Variants in SYNE1 observed in about 807,000 individuals in gnomAD.
SYNE1 encodes nesprin-1.
A neutral mutation model predicts 1,111.0 loss-of-function variants in SYNE1; 616 were observed. That is an observed-to-expected ratio of 0.55 (90% CI 0.52 to 0.59). The LOEUF is 0.59. SYNE1 is among the 20% of genes least tolerant of loss of function. SYNE1 has a pLI of 0.00. For synonymous variants in SYNE1, 3,855 were observed against 3,825.8 expected, an observed-to-expected ratio of 1.01 and a Z score of -0.28; for missense variants, 10,006 against 10,417.0, an observed-to-expected ratio of 0.96 and a Z score of 1.72.
chr6:152,365,748 C>T (rs1156304661), intron 62 of SYNE1, among the ~76,000 whole-genome samples: 2 of 152,100 alleles, frequency 1.3e-5, no homozygotes, highest in Non-Finnish European at 2.9e-5. Flanking sequence ...GTGTAAGCCA[C>T]TGCGCCCGGC....
chr6:152,340,458 T>G (rs1256286162), intron 74 of SYNE1, among the ~76,000 whole-genome samples: 1 of 152,200 alleles, frequency 6.6e-6, no homozygotes, highest in Non-Finnish European at 1.5e-5. Context: ...TATAGCTTGC[T>G]AGAACGTCAG....
At chr6:152,351,157 G>A (rs1182394857) in intron 70 of SYNE1, among the ~76,000 whole-genome samples, 4 of 152,224 alleles carry the variant, frequency 2.6e-5, no homozygotes, top group African/African-American at 9.7e-5. Flanking sequence ...GCTATTTATG[G>A]AGTTAGAAAG....
chr6:152,409,144 T>C lies in SYNE1; in HGVS notation c.6464A>G (p.Glu2155Gly), dbSNP rs1403916901. 6.2e-7 allele frequency: 1 copy of C among 1,614,182 alleles called. No homozygotes were observed. Among genetic ancestry groups the C allele is most frequent in the South Asian group, 1.1e-5 (1 of 91,082 alleles). Residue 2155 changes from glutamate (E) to glycine (G), a missense_variant, in exon 44 of 146, where the codon GAG becomes GGG. Glu to Gly is a moderately conservative substitution (Grantham distance 98, BLOSUM62 -2). This residue lies in a region of SYNE1 where 4,955 missense variants were observed against 5,017.2 expected (regional missense o/e 0.99). Coordinates refer to ENST00000367255, the MANE Select transcript of SYNE1 (RefSeq NM_182961.4). ...FTSKGKHLLS[E>G]LKKIHSSDFS... ...ATCACTACTGTGAATTTTCTTCAGC[T>C]CAGATAACAAGTGTTTTCCTTTGCT...
chr6:152,226,558 A>G (rs2081614230), intron 115 of SYNE1, among the ~76,000 whole-genome samples: 1 of 152,242 alleles, frequency 6.6e-6, no homozygotes, highest in East Asian at 1.9e-4. Flanking sequence ...ATGTTCAAGA[A>G]TGAAAAGCAA....
In SYNE1 at chr6:152,562,679, C is replaced by T. The variant is rs964205802; in HGVS notation, c.68-22658G>A. 2.0e-5 allele frequency among the ~76,000 whole-genome samples: 3 copies of T among 152,238 alleles called. No individual in the cohort carries two copies. In the South Asian group the frequency reaches 6.2e-4, roughly 32 times the overall value. ...ACAGACAAATGGATAAGAGGGATAGCATTAGGAGAAATACCTAATGTAGAT... is the reference window on the plus strand; with the variant it reads ...ACAGACAAATGGATAAGAGGGATAGTATTAGGAGAAATACCTAATGTAGAT... On this transcript the variant is annotated intron_variant, in intron 3 of 145. Coordinates refer to ENST00000367255, the MANE Select transcript of SYNE1 (RefSeq NM_182961.4).
At chr6:152,613,915 G>C (rs995741252) in intron 3 of SYNE1, among the ~76,000 whole-genome samples, 4 of 152,166 alleles carry the variant, frequency 2.6e-5, no homozygotes, top group Non-Finnish European at 5.9e-5. Context: ...AATGGTGCTG[G>C]GAAAACTGGC....
intron 78 of SYNE1, among the ~76,000 whole-genome samples, chr6:152,327,502 T>C (rs1268348422): frequency 6.6e-6 from 1 of 151,982 alleles, no homozygotes; most frequent in Non-Finnish European, 1.5e-5. Flanking sequence ...AGAAACACTC[T>C]AACCAGCCAT....
intron 41 of SYNE1, among the ~76,000 whole-genome samples, chr6:152,413,890 T>C (rs1381039959): frequency 6.6e-6 from 1 of 152,052 alleles, no homozygotes; most frequent in Non-Finnish European, 1.5e-5. Flanking sequence ...GTAAGAAATG[T>C]TTCTGGGCCA....
At chr6:152,403,567 A>T (rs1591985091) in intron 46 of SYNE1, among the ~76,000 whole-genome samples, 1 of 152,144 alleles carries the variant, frequency 6.6e-6, no homozygotes, top group South Asian at 2.1e-4. Context: ...CAAAAAATTT[A>T]AAAAATTAGC....
chr6:152,468,642 T>C (rs1018566667), intron 16 of SYNE1, among the ~76,000 whole-genome samples: 4 of 152,218 alleles, frequency 2.6e-5, no homozygotes, highest in African/African-American at 7.2e-5. Context: ...AAGTATTCTT[T>C]CTTTTTTGCA....
At chr6:152,284,530 C>T (rs2094212866) in intron 95 of SYNE1, among the ~76,000 whole-genome samples, 1 of 151,562 alleles carries the variant, frequency 6.6e-6, no homozygotes, top group Non-Finnish European at 1.5e-5. Flanking sequence ...ATGATCACAG[C>T]TCACTGTAAT....
At position 152,345,246 on chromosome 6, in the gene SYNE1, G is replaced by T. The variant is rs377235838; in HGVS notation, c.12079-1019C>A. The stretch of plus-strand genomic sequence containing the variant: ...TCCACCAATTAAAACAAATTAAACT[G>T]TATCCCTAATACAAAGAAAATGTCC... On this transcript the variant is annotated intron_variant, in intron 73 of 145. Coordinates refer to ENST00000367255, the MANE Select transcript of SYNE1 (RefSeq NM_182961.4). 5.3e-5 allele frequency among the ~76,000 whole-genome samples: 8 copies of T among 152,246 alleles called. No homozygotes were observed. In the East Asian group the frequency reaches 1.5e-3, roughly 29 times the overall value.
At chr6:152,577,428 T>A (rs4870115) in intron 3 of SYNE1, among the ~76,000 whole-genome samples, 1 of 152,030 alleles carries the variant, frequency 6.6e-6, no homozygotes, top group Non-Finnish European at 1.5e-5. Context: ...GTCAGGAGAT[T>A]GAGACCATTC....
chr6:152,155,145 A>C, intron 132 of SYNE1, 103 bp from the exon 133 acceptor site: 1 of 1,425,874 alleles, frequency 7.0e-7, no homozygotes, highest in East Asian at 2.3e-5. Context: ...CCACAGAGGC[A>C]ACTGTTGTGC....
At chr6:152,357,579 A>G (rs1312997242) in intron 66 of SYNE1, among the ~76,000 whole-genome samples, 2 of 152,022 alleles carry the variant, frequency 1.3e-5, no homozygotes, top group Non-Finnish European at 2.9e-5. Flanking sequence ...CTATTCCTTA[A>G]GGTAAGTTTA....
intron 29 of SYNE1, among the ~76,000 whole-genome samples, chr6:152,445,187 C>A (rs1447707028): frequency 6.6e-6 from 1 of 151,654 alleles, no homozygotes; most frequent in Non-Finnish European, 1.5e-5. Context: ...AATTGCGTGA[C>A]TAAAACCTAA....
intron 2 of SYNE1, among the ~76,000 whole-genome samples, chr6:152,634,530 G>A (rs2099703043): frequency 6.6e-6 from 1 of 152,166 alleles, no homozygotes; most frequent in South Asian, 2.1e-4. Flanking sequence ...GGCTAAAAGA[G>A]AAGAACAGGG....
At chr6:152,404,074 T>C (rs1457832558) in intron 46 of SYNE1, 139 bp downstream of exon 46, 1 of 516,920 alleles carries the variant, frequency 1.9e-6, no homozygotes, top group Non-Finnish European at 3.4e-6. Context: ...ATGTATCAGA[T>C]ATAGATATAT....
intron 56 of SYNE1, among the ~76,000 whole-genome samples, chr6:152,377,780 T>C (rs1323571001): frequency 6.6e-6 from 1 of 151,300 alleles, no homozygotes; most frequent in Non-Finnish European, 1.5e-5. Flanking sequence ...GTAATTCATT[T>C]ATTTCATAGT....
Sources: gnomAD v4.1 joint callset for allele counts (sites outside exome capture counted in the v4.1 genomes callset) on GRCh38, gnomAD v4.1.1 for gene constraint, gnomAD v4.1.1 regional missense constraint, MANE v1.5 for transcripts, NCBI Gene and HGNC (gene_info 2026-07-23, HGNC 2026-07-21) for gene names.